Variants in DNAH17 observed in about 807,000 individuals in gnomAD.
The protein encoded by DNAH17 is dynein axonemal heavy chain 17, also known as axonemal beta dynein heavy chain 17.
In DNAH17, 376 loss-of-function variants were observed where a neutral mutation model predicts 485.6. That is an observed-to-expected ratio of 0.77 (90% CI 0.71 to 0.84). DNAH17 has a LOEUF of 0.84. Ranked by LOEUF, DNAH17 falls within the 40% of genes least tolerant of loss-of-function variation. The pLI, the probability that DNAH17 is intolerant of heterozygous loss-of-function variation, is 0.00. For missense variants in DNAH17, 6,370 were observed against 5,839.3 expected (o/e 1.09, Z -2.96); for synonymous variants, 3,031 against 2,405.9 (o/e 1.26, Z -7.60).
At position 78,437,852 on chromosome 17, in the gene DNAH17, G is replaced by A; in HGVS notation, c.11822C>T (p.Ala3941Val). The A allele has an allele frequency of 6.2e-7, 1 of 1,610,102 alleles. No homozygotes were observed. The highest frequency in any genetic ancestry group is 8.5e-7 in the Non-Finnish European group (1 of 1,178,318). The change falls in exon 74 of 81, where the codon GCC becomes GTC. Residue 3941 changes from alanine (A) to valine (V), a missense_variant. Transcript: ENST00000389840. Reference sequence around the variant, plus strand: ...CTTGTCCAGTGTTCCCAGCCACCGGGCCACCAGGTGGATATTCTGCAGCCA... The same window carrying A: ...CTTGTCCAGTGTTCCCAGCCACCGGACCACCAGGTGGATATTCTGCAGCCA... ...WVILQNIHLV[A>V]RWLGTLDKKL... is the part of the protein sequence containing the mutation.
chr17:78,562,796 AACC>A (rs1462116820), intron 11 of DNAH17, among the ~76,000 whole-genome samples: 1 of 152,232 alleles, frequency 6.6e-6, no homozygotes, highest in Non-Finnish European at 1.5e-5. Flanking sequence ...GAGGCAAGAA[AACC>A]ACCATCAGGA....
intron 57 of DNAH17, among the ~76,000 whole-genome samples, chr17:78,462,260 G>A (rs1333599226): frequency 7.3e-6 from 1 of 136,428 alleles, no homozygotes; most frequent in Non-Finnish European, 1.6e-5. Context: ...TGGTAGGGGG[G>A]TGGGGGGGTG....
intron 75 of DNAH17, among the ~76,000 whole-genome samples, chr17:78,431,262 C>T (rs913653137): frequency 6.6e-6 from 1 of 152,222 alleles, no homozygotes; most frequent in African/African-American, 2.4e-5. Context: ...CTGGTCATCA[C>T]AACTGTTTGC....
intron 17 of DNAH17, 84 bp from the exon 18 acceptor site, chr17:78,539,964 GC>G: frequency 2.2e-6 from 3 of 1,353,040 alleles, no homozygotes; most frequent in Non-Finnish European, 2.9e-6. Context: ...TCTCTGGACC[GC>G]CCGTCCATGT....
chr17:78,426,643 C>G (rs779849192), intron 78 of DNAH17, 43 bp from the exon 79 acceptor site: 1 of 1,556,946 alleles, frequency 6.4e-7, no homozygotes, highest in Non-Finnish European at 8.7e-7. Flanking sequence ...TGAGCTGGGG[C>G]CTGGGAGAGC....
rs984441111 is a variant in DNAH17 at position 78,468,485 on chromosome 17, C to T, written c.8778+132G>A. 59 of 1,252,118 alleles carry T rather than the reference C, an allele frequency of 4.7e-5. No individual in the cohort carries two copies. The East Asian group carries it at 1.4e-3, about 29-fold the overall frequency. 77.6% of individuals were successfully genotyped at this position (1,252,118 alleles called of 1,614,324 possible). A position where few individuals can be genotyped will look rare whatever the true frequency, so the allele number is the denominator to read the frequency against. ...GTTCATCAGACAGCCCCACCCCTCA[C>T]ACTCTCCTAACAGGATTTCACATCC... On this transcript the variant is annotated intron_variant, in intron 55 of 80. Transcript: ENST00000389840.
At position 78,466,121 on chromosome 17, in the gene DNAH17, G is replaced by A. The variant is rs1157348311; in HGVS notation, c.8940+534C>T. 1.2e-4 allele frequency among the ~76,000 whole-genome samples: 18 copies of A among 152,342 alleles called. No individual in the cohort carries two copies. In the East Asian group the frequency reaches 3.5e-3, roughly 29 times the overall value. On this transcript the variant is annotated intron_variant, in intron 56 of 80. Transcript: ENST00000389840. ...TTCTGCCTTGGGATCCTGTTGATCT[G>A]TGACCTTACCCCCAGCCCTGTGCTC... is the stretch of plus-strand genomic sequence containing the variant.
At chr17:78,458,738 G>A (rs1055382940) in intron 61 of DNAH17, 58 bp from the exon 62 acceptor site, 3 of 1,443,064 alleles carry the variant, frequency 2.1e-6, no homozygotes, top group Non-Finnish European at 2.0e-6. Flanking sequence ...CTAGCCCCCT[G>A]CAGCGGCAGC....
intron 32 of DNAH17, 67 bp from the exon 33 acceptor site, chr17:78,502,765 C>A (rs2090344799): frequency 6.3e-7 from 1 of 1,592,662 alleles, no homozygotes; most frequent in Admixed American, 1.8e-5. Flanking sequence ...CGCAGACATT[C>A]CTGCTGAAAG....
chr17:78,436,926 C>A (rs892688270), intron 74 of DNAH17, among the ~76,000 whole-genome samples: 4 of 152,144 alleles, frequency 2.6e-5, no homozygotes, highest in African/African-American at 9.7e-5. Flanking sequence ...TGGGGGAAGC[C>A]TTGAGGTCTG....
intron 2 of DNAH17, among the ~76,000 whole-genome samples, chr17:78,574,164 G>A (rs2092400600): frequency 6.6e-6 from 1 of 152,190 alleles, no homozygotes; most frequent in Non-Finnish European, 1.5e-5. Flanking sequence ...CAGACTTCAA[G>A]GGCACGAGCA....
At chr17:78,428,176 T>TGGCCA (rs1489021229) in intron 77 of DNAH17, 3 of 378,502 alleles carry the variant, frequency 7.9e-6, no homozygotes, top group Middle Eastern at 8.2e-4. Flanking sequence ...GCTGTTGTGC[T>TGGCCA]GGCCAGGCCA....
At chr17:78,505,244 T>C (rs745669594) in intron 31 of DNAH17, 49 bp downstream of exon 31, 1 of 1,609,772 alleles carries the variant, frequency 6.2e-7, no homozygotes, top group African/African-American at 1.3e-5. Context: ...CCCACACGCG[T>C]GCTGCACCCT....
chr17:78,425,287 G>C, intron 80 of DNAH17, 59 bp downstream of exon 80: 1 of 1,528,866 alleles, frequency 6.5e-7, no homozygotes, highest in Non-Finnish European at 9.0e-7. Context: ...GTTTTATCTT[G>C]TCTTGGCAAG....
intron 77 of DNAH17, among the ~76,000 whole-genome samples, 197 bp from the exon 78 acceptor site, chr17:78,427,305 C>T (rs1568035778): frequency 6.6e-6 from 1 of 152,202 alleles, no homozygotes; most frequent in Non-Finnish European, 1.5e-5. Flanking sequence ...GCCAGCGGCT[C>T]CGAGCATTCT....
intron 69 of DNAH17, among the ~76,000 whole-genome samples, chr17:78,446,982 C>T (rs1048424666): frequency 2.0e-5 from 3 of 151,732 alleles, no homozygotes; most frequent in Admixed American, 1.3e-4. Flanking sequence ...TCTGTTGCCC[C>T]GGCTGGAGTG....
chr17:78,444,539 C>T, intron 71 of DNAH17, 65 bp downstream of exon 71: 33 of 1,455,518 alleles, frequency 2.3e-5, no homozygotes, highest in Non-Finnish European at 2.7e-5. Flanking sequence ...AGCACAGCCG[C>T]TCGGTCAAGC....
intron 24 of DNAH17, among the ~76,000 whole-genome samples, chr17:78,525,673 T>G (rs1227737803): frequency 6.6e-6 from 1 of 152,228 alleles, no homozygotes. Flanking sequence ...TCGGAGCGTG[T>G]GCACACACAT....
chr17:78,446,261 G>C (rs930653294), intron 69 of DNAH17, among the ~76,000 whole-genome samples: 1 of 143,716 alleles, frequency 7.0e-6, no homozygotes, highest in Non-Finnish European at 1.5e-5. Context: ...TCGCAGCATC[G>C]TGCAACCATC....
Sources: allele counts gnomAD v4.1 joint callset (sites outside exome capture counted in the v4.1 genomes callset), GRCh38; gene constraint gnomAD v4.1.1; transcripts MANE v1.5; gene names NCBI Gene and HGNC (gene_info 2026-07-23, HGNC 2026-07-21).